CCDC148: variants seen among roughly 807,000 people sequenced by gnomAD.
CCDC148 encodes coiled-coil domain-containing protein 148.
A neutral mutation model predicts 85.7 loss-of-function variants in CCDC148; 89 were observed. That is an observed-to-expected ratio of 1.04 (90% confidence interval 0.87 to 1.24). The LOEUF is 1.24. Among genes scored for constraint, CCDC148 ranks in the 50% most tolerant of loss-of-function variants. The pLI, the probability that CCDC148 is intolerant of heterozygous loss-of-function variation, is 0.00. For missense variants in CCDC148, 692 were observed against 671.7 expected (o/e 1.03, Z -0.33); for synonymous variants, 230 against 213.9 (o/e 1.08, Z -0.66).
intron 1 of CCDC148, among the ~76,000 whole-genome samples, chr2:158,420,780 T>C (rs1425817041): frequency 6.6e-6 from 1 of 152,016 alleles, no homozygotes; most frequent in South Asian, 2.1e-4. Context: ...TCAATTAAAA[T>C]ACACAGACTG....
At chr2:158,427,609 C>T (rs1290562990) in intron 1 of CCDC148, among the ~76,000 whole-genome samples, 2 of 152,024 alleles carry the variant, frequency 1.3e-5, no homozygotes, top group Admixed American at 6.6e-5. Flanking sequence ...GTGGCTCATA[C>T]CTATAATCCC....
chr2:158,365,093 A>G (rs545294174), intron 1 of CCDC148, among the ~76,000 whole-genome samples: 14 of 152,326 alleles, frequency 9.2e-5, no homozygotes, highest in African/African-American at 3.1e-4. Context: ...ATCCAAATCA[A>G]AACCACAATG....
At position 158,308,873 on chromosome 2, in the gene CCDC148, G is replaced by A. The variant is rs150139497; in HGVS notation, c.1110+560C>T. Among the ~76,000 whole-genome samples the A allele has an allele frequency of 2.8e-3, 428 of 152,154 alleles. 1 individual carries two copies. Among genetic ancestry groups the A allele is most frequent in the African/African-American group, 9.6e-3 (398 of 41,494 alleles). On this transcript the variant is annotated intron_variant, in intron 9 of 13. Transcript: ENST00000283233. ...TCCAGTCCTCAATCCTTCTAACAGC[G>A]AGGGTTACCTACCAACTCCCCAAGC...
intron 10 of CCDC148, among the ~76,000 whole-genome samples, chr2:158,247,668 C>A (rs1447529534): frequency 1.3e-5 from 2 of 151,964 alleles, no homozygotes; most frequent in Non-Finnish European, 2.9e-5. Context: ...ACCAGCCTGA[C>A]CAACATAGTG....
At chr2:158,281,912 G>C (rs56061232) in intron 9 of CCDC148, among the ~76,000 whole-genome samples, 48,405 of 150,570 alleles carry the variant, frequency 0.32, 8,488 homozygotes, top group Middle Eastern at 0.44. Context: ...AGCAGCACAT[G>C]AAAAAGCTTA....
intron 1 of CCDC148, among the ~76,000 whole-genome samples, chr2:158,379,887 T>G (rs1369582026): frequency 6.6e-6 from 1 of 152,130 alleles, no homozygotes; most frequent in Non-Finnish European, 1.5e-5. Context: ...CTTTCTTTAT[T>G]GCAATATTAG....
At chr2:158,382,501 T>C (rs1684915358) in intron 1 of CCDC148, among the ~76,000 whole-genome samples, 1 of 152,198 alleles carries the variant, frequency 6.6e-6, no homozygotes, top group South Asian at 2.1e-4. Flanking sequence ...CATTCTTCTC[T>C]GACATATGTA....
chr2:158,201,656 G>C (rs1996788), intron 11 of CCDC148, among the ~76,000 whole-genome samples: 52,345 of 151,966 alleles, frequency 0.34, 9,792 homozygotes, highest in East Asian at 0.63. Flanking sequence ...AAGCAATCCA[G>C]CCATCTCGGC....
intron 11 of CCDC148, among the ~76,000 whole-genome samples, chr2:158,216,015 A>G (rs1188971214): frequency 6.6e-6 from 1 of 152,138 alleles, no homozygotes; most frequent in Non-Finnish European, 1.5e-5. Flanking sequence ...GAGAAAATAA[A>G]TTTCTGTTGT....
intron 1 of CCDC148, among the ~76,000 whole-genome samples, chr2:158,381,238 A>C (rs1227730532): frequency 1.3e-5 from 2 of 152,174 alleles, no homozygotes; most frequent in Admixed American, 1.3e-4. Flanking sequence ...CAGAATACAT[A>C]TGTATATATT....
chr2:158,243,891 A>AT (rs35809631), intron 10 of CCDC148, among the ~76,000 whole-genome samples: 59,331 of 148,008 alleles, frequency 0.4, 12,803 homozygotes, highest in East Asian at 0.77. Flanking sequence ...CACCTTCAAC[A>AT]TTTTTTTTTT....
intron 2 of CCDC148, among the ~76,000 whole-genome samples, chr2:158,355,791 A>G (rs1437391827): frequency 1.5e-5 from 2 of 133,640 alleles, no homozygotes; most frequent in East Asian, 2.2e-4. Flanking sequence ...AAGCCAAAAG[A>G]ACAAAGCTGG....
Position 158,178,989 on chromosome 2 carries a change from AT to A in CCDC148, c.1377del (p.Lys459AsnfsTer11). The A allele has an allele frequency of 6.2e-7, 1 of 1,608,698 alleles. No individual in the cohort carries two copies. Among genetic ancestry groups the A allele is most frequent in the Non-Finnish European group, 8.5e-7 (1 of 1,175,822 alleles). On this transcript the variant is annotated frameshift_variant, in exon 12 of 14. Coordinates refer to ENST00000283233, the MANE Select transcript of CCDC148 (RefSeq NM_138803.4). LOFTEE classifies it high-confidence loss of function. The stretch of plus-strand genomic sequence containing the variant: ...CGCCTTTCCAATAATTCTTGTCTAT[AT>A]TTAACCCTTTAAAAATAACACAGAA... ...EQSLKDRERV[K>X]YRQELLERRL...
intron 2 of CCDC148, among the ~76,000 whole-genome samples, chr2:158,350,183 AT>A (rs1683190562): frequency 6.6e-6 from 1 of 152,190 alleles, no homozygotes. Flanking sequence ...CTGAGAAATT[AT>A]TGTTCCTGCA....
At chr2:158,287,245 C>G (rs1299704863) in intron 9 of CCDC148, among the ~76,000 whole-genome samples, 1 of 152,132 alleles carries the variant, frequency 6.6e-6, no homozygotes, top group Admixed American at 6.5e-5. Context: ...GGTGGGGACA[C>G]AGCCATACCA....
intron 1 of CCDC148, among the ~76,000 whole-genome samples, chr2:158,428,731 T>C (rs1687189568): frequency 6.6e-6 from 1 of 151,856 alleles, no homozygotes; most frequent in South Asian, 2.1e-4. Context: ...AGTGTGGCGA[T>C]TCCTCAAGGA....
At chr2:158,214,611 G>A (rs930069569) in intron 11 of CCDC148, among the ~76,000 whole-genome samples, 8 of 152,148 alleles carry the variant, frequency 5.3e-5, no homozygotes, top group African/African-American at 1.7e-4. Flanking sequence ...CTGATGACAT[G>A]AGTCATCAAC....
chr2:158,244,075 G>A (rs940478262), intron 10 of CCDC148, among the ~76,000 whole-genome samples: 4 of 151,964 alleles, frequency 2.6e-5, no homozygotes, highest in Non-Finnish European at 5.9e-5. Flanking sequence ...CACCAGTCAC[G>A]TTGTTAACAT....
rs185438286 is a variant in CCDC148 at position 158,340,277 on chromosome 2, G to T, written c.451C>A (p.His151Asn). The T allele has an allele frequency of 6.8e-5, 109 of 1,613,932 alleles. No individual in the cohort carries two copies. In the East Asian group the frequency reaches 2.2e-3, roughly 33 times the overall value. ...QHHTLQHSHP[H>N]IEFNSMKVLE... ...ACTTTCATGGAGTTAAACTCAATAT[G>T]TGGGTGTGAATGCTGCAAAGTGTGA... Residue 151 changes from histidine (H) to asparagine (N), a missense_variant, in exon 5 of 14, where the codon CAT (histidine) becomes AAT (asparagine). Coordinates refer to ENST00000283233, the MANE Select transcript of CCDC148 (RefSeq NM_138803.4).
Sources: gnomAD v4.1 joint callset for allele counts (sites outside exome capture counted in the v4.1 genomes callset) on GRCh38, gnomAD v4.1.1 for gene constraint, MANE v1.5 for transcripts, NCBI Gene and HGNC (gene_info 2026-07-23, HGNC 2026-07-21) for gene names.